The following SCARB2 variants were observed in gnomAD, a reference collection of about 807,000 sequenced individuals.
SCARB2 encodes the protein scavenger receptor class B member 2.
Under a neutral mutation model 58.6 loss-of-function variants are expected in SCARB2, and 29 were observed. The observed-to-expected ratio is 0.49, with a 90% CI of 0.37 to 0.67. The LOEUF is 0.67. Ranked by LOEUF, SCARB2 falls within the 30% of genes least tolerant of loss-of-function variation. SCARB2 has a pLI of 0.00. For missense variants in SCARB2, 488 were observed against 578.5 expected (o/e 0.84, Z 1.60); for synonymous variants, 195 against 210.1 (o/e 0.93, Z 0.62).
At chr4:76,175,751 A>C in intron 6 of SCARB2, 40 bp downstream of exon 6, 1 of 1,612,508 alleles carries the variant, frequency 6.2e-7, no homozygotes, top group Non-Finnish European at 8.5e-7. Flanking sequence ...GCAGTGAAAG[A>C]CCTTATTTTT....
At chr4:76,218,720 C>G (rs1263300363), upstream of SCARB2, among the ~76,000 whole-genome samples, 1 of 152,206 alleles carries the variant, frequency 6.6e-6, no homozygotes, top group Non-Finnish European at 1.5e-5. Context: ...ATCCTATTCA[C>G]CTTTTTCTCT....
chr4:76,174,885 TCTTA>T (rs1366391028), intron 6 of SCARB2: 2 of 162,220 alleles, frequency 1.2e-5, no homozygotes, highest in African/African-American at 4.8e-5. Context: ...TGCCTTTCAT[TCTTA>T]CTGATTTCAA....
chr4:76,203,909 G>C (rs575647270), intron 1 of SCARB2, among the ~76,000 whole-genome samples: 1 of 152,216 alleles, frequency 6.6e-6, no homozygotes, highest in East Asian at 1.9e-4. Flanking sequence ...ACGGGAATCA[G>C]TAATACCTTT....
At position 76,159,391 on chromosome 4, in the gene SCARB2, G is replaced by C. The variant is rs778965124; in HGVS notation, c.*2322C>G. 1 of 151,956 alleles carries C rather than the reference G, an allele frequency of 6.6e-6. No individual in the cohort carries two copies. Among genetic ancestry groups the C allele is most frequent in the Non-Finnish European group, 1.5e-5 (1 of 67,990 alleles). The allele number at this position is 151,956 out of a possible 1,614,324, so 9.4% of individuals were successfully genotyped here. A position where few individuals can be genotyped will look rare whatever the true frequency, so the allele number is the denominator to read the frequency against. The stretch of plus-strand genomic sequence containing the variant: ...AGATCTGTCTCAGACTTTTCAGAAG[G>C]ATAGTATCAAATGTGATTTAAACCA... On this transcript the variant is annotated 3_prime_UTR_variant, in exon 12 of 12. Coordinates refer to ENST00000264896, the MANE Select transcript of SCARB2 (RefSeq NM_005506.4).
rs570067495 is a variant in SCARB2, at chr4:76,179,481, TAA to T, written c.612+34_612+35del. On this transcript the variant is annotated intron_variant, in intron 4 of 11. Transcript: ENST00000264896. ...TGGGGTGCCCCAACCCACTGTCAGC[TAA>T]AAAAAGAGGTTCTGAAAAGAAAAAT... is the stretch of plus-strand genomic sequence containing the variant. 28 of 1,508,748 alleles carry T rather than the reference TAA, an allele frequency of 1.9e-5. No homozygotes were observed. In the African/African-American group the frequency reaches 2.9e-4, roughly 16 times the overall value. The allele number at this position is 1,508,748 out of a possible 1,614,324, so 93.5% of individuals were successfully genotyped here. A position where few individuals can be genotyped will look rare whatever the true frequency, so the allele number is the denominator to read the frequency against.
chr4:76,181,521 A>AT (rs1467830056), intron 2 of SCARB2, among the ~76,000 whole-genome samples: 1 of 152,154 alleles, frequency 6.6e-6, no homozygotes, highest in African/African-American at 2.4e-5. Flanking sequence ...TTGAAATTTT[A>AT]TTTTAAAAAA....
chr4:76,176,642 G>T (rs988822603), intron 4 of SCARB2, 114 bp from the exon 5 acceptor site: 4 of 727,994 alleles, frequency 5.5e-6, no homozygotes, highest in African/African-American at 5.3e-5. Context: ...GTGTGGTGAA[G>T]GTATTTTGTA....
intron 1 of SCARB2, among the ~76,000 whole-genome samples, chr4:76,221,421 C>T (rs1733304781): frequency 6.6e-6 from 1 of 152,122 alleles, no homozygotes; most frequent in Admixed American, 6.5e-5. Flanking sequence ...TGGGTTCAAG[C>T]GGTTCTCCTG....
intron 1 of SCARB2, among the ~76,000 whole-genome samples, chr4:76,229,043 T>C (rs553226568): frequency 6.6e-6 from 1 of 152,304 alleles, no homozygotes; most frequent in African/African-American, 2.4e-5. Context: ...AATTACTTTT[T>C]CTTTGTCTTT....
intron 11 of SCARB2, 126 bp from the exon 12 acceptor site, chr4:76,161,877 A>C: frequency 1.2e-6 from 1 of 833,002 alleles, no homozygotes; most frequent in Non-Finnish European, 2.0e-6. Context: ...GGCTCATCTC[A>C]CTCACCTCCC....
chr4:76,173,155 T>C (rs1472307222), intron 7 of SCARB2: 1 of 152,212 alleles, frequency 6.6e-6, no homozygotes, highest in African/African-American at 2.4e-5. Context: ...GTTTTGTCAG[T>C]TGTGCCACTG....
chr4:76,177,678 G>A (rs1439147185), intron 4 of SCARB2, among the ~76,000 whole-genome samples: 2 of 152,162 alleles, frequency 1.3e-5, no homozygotes, highest in Non-Finnish European at 2.9e-5. Flanking sequence ...CTACACAACG[G>A]AATATTCCTC....
At chr4:76,221,813 A>G (rs1733313769) in intron 1 of SCARB2, among the ~76,000 whole-genome samples, 1 of 152,238 alleles carries the variant, frequency 6.6e-6, no homozygotes, top group Non-Finnish European at 1.5e-5. Flanking sequence ...TATCATGCTC[A>G]CTACCTGGGT....
rs111562116 is a variant in SCARB2, at chr4:76,166,560, G to C, written c.1188-259C>G. On this transcript the variant is annotated intron_variant, in intron 9 of 11. Transcript: ENST00000264896. ...CTTAAAATGATGACTAGTCTCCTTA[G>C]AGTCATCAGGGAAGGCTCCAGTCGA... 547 of 549,286 alleles carry C rather than the reference G, an allele frequency of 1.0e-3. 4 individuals carry two copies. The African/African-American group carries it at 1.0e-2, about 10-fold the overall frequency. 34.0% of individuals were successfully genotyped at this position (549,286 alleles called of 1,614,324 possible). A position where few individuals can be genotyped will look rare whatever the true frequency, so the allele number is the denominator to read the frequency against.
chr4:76,172,490 T>G (rs1732153041), intron 7 of SCARB2, among the ~76,000 whole-genome samples: 1 of 152,028 alleles, frequency 6.6e-6, no homozygotes, highest in Non-Finnish European at 1.5e-5. Flanking sequence ...TGGCCTCAAG[T>G]GAGCCTCCTG....
At chr4:76,214,275 ATGCCAGCAAGCATGTTC>A (rs1158320709), upstream of SCARB2, 1 of 455,968 alleles carries the variant, frequency 2.2e-6, no homozygotes, top group African/African-American at 2.0e-5. Flanking sequence ...TGCTGAGATC[ATGCCAGCAAGCATGTTC>A]TGCCTGGATG....
At position 76,167,930 on chromosome 4, in the gene SCARB2, T is replaced by C. The variant is rs147561056; in HGVS notation, c.1187+473A>G. ...CTCCTGACCTTGTGATCCACCCACC[T>C]TGGCCTCCCAAAGTGCTGGATTACA... On this transcript the variant is annotated intron_variant, in intron 9 of 11. Transcript: ENST00000264896. Among the ~76,000 whole-genome samples the C allele has an allele frequency of 4.4e-3, 667 of 152,244 alleles. 7 individuals are homozygous for C. The highest frequency in any genetic ancestry group is 0.015 in the African/African-American group (634 of 41,524).
intron 1 of SCARB2, among the ~76,000 whole-genome samples, chr4:76,205,223 G>C (rs1732907160): frequency 6.6e-6 from 1 of 152,148 alleles, no homozygotes. Flanking sequence ...CAACTTTAGA[G>C]TTTAAGGCAG....
chr4:76,204,489 C>A (rs1168701552), intron 1 of SCARB2, among the ~76,000 whole-genome samples: 2 of 152,176 alleles, frequency 1.3e-5, no homozygotes, highest in Non-Finnish European at 2.9e-5. Flanking sequence ...TCCCAAAAAA[C>A]CTCCTGCTAC....
Sources: gnomAD v4.1 joint callset for allele counts (sites outside exome capture counted in the v4.1 genomes callset) on GRCh38, gnomAD v4.1.1 for gene constraint, MANE v1.5 for transcripts, NCBI Gene and HGNC (gene_info 2026-07-23, HGNC 2026-07-21) for gene names.